Variants in DYNC2H1 observed in about 807,000 individuals in gnomAD.
The protein encoded by DYNC2H1 is cytoplasmic dynein 2 heavy chain 1.
In DYNC2H1, 410 loss-of-function variants were observed where a neutral mutation model predicts 570.0. The observed-to-expected ratio is 0.72, with a 90% CI of 0.66 to 0.78. DYNC2H1 has a LOEUF of 0.78. Among genes scored for constraint, DYNC2H1 ranks in the 30% least tolerant of loss-of-function variants. DYNC2H1 has a pLI of 0.00. For missense variants in DYNC2H1, 4,865 were observed against 5,046.4 expected (o/e 0.96, Z 1.09); for synonymous variants, 1,688 against 1,677.6 (o/e 1.01, Z -0.15).
rs1480427181 is a variant in DYNC2H1 at position 103,395,245 on chromosome 11, G to T, written c.12157-4418G>T. 6.6e-6 allele frequency among the ~76,000 whole-genome samples: 1 copy of T among 152,038 alleles called. No individual in the cohort carries two copies. ...AAAAATGGAAATGTATGGTGTATAT[G>T]ATTGAAAAGGTGTTAAAATGTTTTT... On this transcript the variant is annotated intron_variant, in intron 83 of 88. Coordinates refer to ENST00000375735, the MANE Select transcript of DYNC2H1 (RefSeq NM_001377.3). The surrounding 1 kb of genome is among the most constrained non-coding windows in gnomAD (Gnocchi z 4.3).
At chr11:103,283,474 A>G (rs992253910) in intron 73 of DYNC2H1, among the ~76,000 whole-genome samples, 1 of 152,100 alleles carries the variant, frequency 6.6e-6, no homozygotes, top group Non-Finnish European at 1.5e-5. Flanking sequence ...GTCTATGCAT[A>G]TGTTTCCATC....
intron 1 of DYNC2H1, among the ~76,000 whole-genome samples, chr11:103,110,280 G>A (rs1858049377): frequency 6.6e-6 from 1 of 152,086 alleles, no homozygotes. Context: ...CCAAAGTGCT[G>A]GGATTGCAAG....
chr11:103,124,639 A>T (rs1375832731), intron 11 of DYNC2H1, among the ~76,000 whole-genome samples: 1 of 152,094 alleles, frequency 6.6e-6, no homozygotes, highest in Non-Finnish European at 1.5e-5. Flanking sequence ...AGGTAGTGAA[A>T]CAAAGGGTAG....
chr11:103,116,980 A>G (rs1435516492), intron 5 of DYNC2H1, among the ~76,000 whole-genome samples: 1 of 151,022 alleles, frequency 6.6e-6, no homozygotes, highest in Non-Finnish European at 1.5e-5. Flanking sequence ...AAATAAACTG[A>G]AAAATTATTT....
rs148612074 is a variant in DYNC2H1, at chr11:103,352,327, A to G, written c.12040-5916A>G. On this transcript the variant is annotated intron_variant, in intron 82 of 88. Coordinates refer to ENST00000375735, the MANE Select transcript of DYNC2H1 (RefSeq NM_001377.3). ...CTGTGTAATTTATAAGTTTTACTCA[A>G]TTTTTAGCATTGCTTCTTTTTAACA... is the stretch of plus-strand genomic sequence containing the variant. Among the ~76,000 whole-genome samples, 779 of 152,092 alleles carry G rather than the reference A, an allele frequency of 5.1e-3. 4 individuals carry two copies. The highest frequency in any genetic ancestry group is 0.017 in the African/African-American group (712 of 41,518).
chr11:103,455,425 T>C (rs1944753580), intron 86 of DYNC2H1, 130 bp downstream of exon 86: 1 of 733,434 alleles, frequency 1.4e-6, no homozygotes, highest in Non-Finnish European at 2.3e-6. Context: ...TGTTATTTTC[T>C]TATTCTCTAC....
chr11:103,359,764 A>G (rs1444425148), intron 83 of DYNC2H1, among the ~76,000 whole-genome samples: 1 of 150,782 alleles, frequency 6.6e-6, no homozygotes, highest in African/African-American at 2.4e-5. Flanking sequence ...TCCCGGGTTC[A>G]AGTGATTCTC....
chr11:103,216,967 A>G (rs571071592), intron 55 of DYNC2H1, among the ~76,000 whole-genome samples: 1 of 152,286 alleles, frequency 6.6e-6, no homozygotes. Flanking sequence ...AAATTATATT[A>G]TACTGAGACT....
intron 53 of DYNC2H1, among the ~76,000 whole-genome samples, chr11:103,210,797 A>G (rs1863127622): frequency 6.6e-6 from 1 of 152,064 alleles, no homozygotes; most frequent in Non-Finnish European, 1.5e-5. Context: ...CATAAGATGT[A>G]TAAATAAGTA....
intron 23 of DYNC2H1, 38 bp from the exon 24 acceptor site, chr11:103,154,657 G>T: frequency 6.4e-7 from 1 of 1,566,782 alleles, no homozygotes; most frequent in Non-Finnish European, 8.6e-7. Flanking sequence ...TTTTATTTTT[G>T]GATGTAATCT....
chr11:103,477,032 A>G (rs764098768), intron 88 of DYNC2H1, among the ~76,000 whole-genome samples: 1 of 152,182 alleles, frequency 6.6e-6, no homozygotes, highest in Non-Finnish European at 1.5e-5. Flanking sequence ...ATGACATCTG[A>G]TTCTTTCCAC....
chr11:103,321,083 A>T lies in DYNC2H1; in HGVS notation c.11780A>T (p.Tyr3927Phe). 1 of 1,612,916 alleles carries T rather than the reference A, an allele frequency of 6.2e-7. No individual in the cohort carries two copies. The highest frequency in any genetic ancestry group is 8.5e-7 in the Non-Finnish European group (1 of 1,179,420). Residue 3927 changes from tyrosine (Y) to phenylalanine (F), a missense_variant, in exon 81 of 89, where the codon TAT becomes TTT. Physicochemically the swap from Tyr to Phe is conservative, Grantham distance 22. Transcript: ENST00000375735. ...FVHGLLENAIYGGRIDNYFDL... is the reference protein window; with the variant it reads ...FVHGLLENAIFGGRIDNYFDL... ...CATGGTTTACTTGAAAATGCTATTTATGGAGGACGTATAGACAACTATTTT... is the reference window on the plus strand; with the variant it reads ...CATGGTTTACTTGAAAATGCTATTTTTGGAGGACGTATAGACAACTATTTT...
chr11:103,206,346 G>C (rs1862923152), intron 52 of DYNC2H1, among the ~76,000 whole-genome samples: 1 of 152,140 alleles, frequency 6.6e-6, no homozygotes, highest in Non-Finnish European at 1.5e-5. Flanking sequence ...TTAAATATGA[G>C]ATACCAGACA....
intron 39 of DYNC2H1, among the ~76,000 whole-genome samples, chr11:103,179,977 A>G (rs1234625748): frequency 2.0e-5 from 3 of 151,664 alleles, no homozygotes; most frequent in African/African-American, 7.2e-5. Flanking sequence ...TAGGTGTTGT[A>G]TGACATATGA....
intron 28 of DYNC2H1, among the ~76,000 whole-genome samples, chr11:103,159,711 C>A (rs905140632): frequency 3.3e-5 from 5 of 152,140 alleles, no homozygotes; most frequent in Admixed American, 3.3e-4. Flanking sequence ...CAAATGACTT[C>A]TTCTATAGAG....
chr11:103,212,864 T>C (rs1207057651), intron 54 of DYNC2H1, among the ~76,000 whole-genome samples: 3 of 152,170 alleles, frequency 2.0e-5, no homozygotes, highest in Non-Finnish European at 2.9e-5. Context: ...GATAAATCAC[T>C]TTAACTTACT....
intron 88 of DYNC2H1, among the ~76,000 whole-genome samples, chr11:103,469,664 A>C (rs1461627547): frequency 6.6e-6 from 1 of 152,214 alleles, no homozygotes; most frequent in East Asian, 1.9e-4. Context: ...TGTTTCTGTC[A>C]AAATTCCCTA....
At chr11:103,442,735 C>G (rs933772638) in intron 85 of DYNC2H1, among the ~76,000 whole-genome samples, 2 of 152,078 alleles carry the variant, frequency 1.3e-5, no homozygotes, top group Non-Finnish European at 2.9e-5. Context: ...TGCATTGCAC[C>G]TTTCATCACA....
At chr11:103,262,872 T>G (rs1865358089) in intron 70 of DYNC2H1, among the ~76,000 whole-genome samples, 1 of 151,096 alleles carries the variant, frequency 6.6e-6, no homozygotes. Flanking sequence ...GTAAATGGAG[T>G]AAATGCTCCA....
Sources: gnomAD v4.1 joint callset for allele counts (sites outside exome capture counted in the v4.1 genomes callset) on GRCh38, gnomAD v4.1.1 for gene constraint, Gnocchi (gnomAD v3.1) non-coding constraint, MANE v1.5 for transcripts, NCBI Gene and HGNC (gene_info 2026-07-23, HGNC 2026-07-21) for gene names.